The following NAV3 variants were observed in gnomAD, a reference collection of about 807,000 sequenced individuals.
NAV3 encodes the protein neuron navigator 3, also known as pore membrane and/or filament interacting like protein 1.
Under a neutral mutation model 244.7 loss-of-function variants are expected in NAV3, and 87 were observed. The ratio of observed to expected loss-of-function variants is 0.36; its 90% CI spans 0.30 to 0.42. The LOEUF (loss-of-function observed/expected upper bound fraction) is 0.42, where lower values mean the gene tolerates loss of function less well. NAV3 is among the 20% of genes least tolerant of loss of function. The probability of loss-of-function intolerance (pLI) is 1.00; values close to 1 mark genes in which losing one functional copy is unlikely to be tolerated. For missense variants in NAV3, 2,663 were observed against 2,893.3 expected, an observed-to-expected ratio of 0.92 and a Z score of 1.83; for synonymous variants, 1,126 against 1,042.2, an observed-to-expected ratio of 1.08 and a Z score of -1.55.
chr12:78,138,587 T>G (rs775177818), intron 19 of NAV3, among the ~76,000 whole-genome samples: 1 of 152,168 alleles, frequency 6.6e-6, no homozygotes, highest in East Asian at 1.9e-4. Context: ...ATTTTTTCCA[T>G]GTAGATAGAC....
chr12:77,726,160 C>T (rs990230014), intron 2 of NAV3, among the ~76,000 whole-genome samples: 5 of 129,918 alleles, frequency 3.8e-5, no homozygotes, highest in African/African-American at 1.0e-4. Flanking sequence ...TTCTGCCTTC[C>T]ACATCTACCT....
intron 12 of NAV3, among the ~76,000 whole-genome samples, chr12:78,110,740 TATA>T (rs1185047837): frequency 2.6e-5 from 4 of 152,136 alleles, no homozygotes; most frequent in South Asian, 2.1e-4. Context: ...AATGTGTATA[TATA>T]ATGTTTTCTA....
intron 2 of NAV3, among the ~76,000 whole-genome samples, chr12:77,581,861 A>G (rs898226471): frequency 6.6e-6 from 1 of 152,218 alleles, no homozygotes; most frequent in Admixed American, 6.5e-5. Flanking sequence ...GGTAGGTAAT[A>G]GTAAAACTAC....
intron 11 of NAV3, 43 bp from the exon 12 acceptor site, chr12:78,058,953 G>A: frequency 6.5e-7 from 1 of 1,542,938 alleles, no homozygotes; most frequent in South Asian, 1.3e-5. Flanking sequence ...GTACAGTTGA[G>A]TTGATTTAGT....
chr12:77,947,181 A>G (rs73344771), intron 3 of NAV3, among the ~76,000 whole-genome samples: 2,974 of 152,120 alleles, frequency 0.02, 35 homozygotes, highest in African/African-American at 0.034. Flanking sequence ...TGCCTATCTG[A>G]TTCCATGTCC....
rs1960861049 is a variant in NAV3 at position 78,211,262 on chromosome 12, A to G, written c.*745A>G. 6.6e-6 allele frequency: 1 copy of G among 152,630 alleles called. No homozygotes were observed. The allele number at this position is 152,630 out of a possible 1,614,324, so 9.5% of individuals were successfully genotyped here. The stretch of plus-strand genomic sequence containing the variant: ...ATACCAATTATTAGTCAACACTGAT[A>G]AAAGGCTTTTTTAGGGCTTTATTTG... On this transcript the variant is annotated 3_prime_UTR_variant, in exon 40 of 40. Transcript: ENST00000397909.
intron 2 of NAV3, among the ~76,000 whole-genome samples, chr12:77,680,563 A>T (rs1476538986): frequency 6.6e-6 from 1 of 152,210 alleles, no homozygotes; most frequent in Admixed American, 6.5e-5. Flanking sequence ...CGCCAATGTT[A>T]GCATTCACAA....
intron 1 of NAV3, among the ~76,000 whole-genome samples, chr12:77,916,887 A>T (rs2137115552): frequency 6.6e-6 from 1 of 152,176 alleles, no homozygotes; most frequent in African/African-American, 2.4e-5. Context: ...TTAAAAAAAT[A>T]CCAAATACAT....
chr12:77,755,083 G>A (rs1345700016), intron 2 of NAV3, among the ~76,000 whole-genome samples: 1 of 151,964 alleles, frequency 6.6e-6, no homozygotes, highest in Non-Finnish European at 1.5e-5. Flanking sequence ...TTCTCAGTTA[G>A]TGATGAAGCT....
At chr12:77,894,847 A>G (rs897521400) in intron 1 of NAV3, among the ~76,000 whole-genome samples, 2 of 152,208 alleles carry the variant, frequency 1.3e-5, no homozygotes, top group Non-Finnish European at 2.9e-5. Flanking sequence ...TAAGCCAGAA[A>G]CCTGGAATTT....
chr12:78,077,072 A>G (rs1953088090), intron 12 of NAV3, among the ~76,000 whole-genome samples: 1 of 152,194 alleles, frequency 6.6e-6, no homozygotes, highest in South Asian at 2.1e-4. Context: ...TGTAATTTAT[A>G]TAAATATTTT....
chr12:77,829,494 A>G (rs1410210551), upstream of NAV3, among the ~76,000 whole-genome samples: 1 of 152,094 alleles, frequency 6.6e-6, no homozygotes, highest in Non-Finnish European at 1.5e-5. Flanking sequence ...CATATGTCTT[A>G]TTATGAACTA....
intron 5 of NAV3, among the ~76,000 whole-genome samples, chr12:77,972,417 T>C (rs569424098): frequency 3.3e-5 from 5 of 152,336 alleles, no homozygotes; most frequent in South Asian, 4.1e-4. Context: ...AATTTAAATA[T>C]ATTTGATATG....
rs61936212 is a variant in NAV3, at chr12:78,084,333, G to A, written c.2636+25218G>A. On this transcript the variant is annotated intron_variant, in intron 12 of 39. Coordinates refer to ENST00000397909, the MANE Select transcript of NAV3 (RefSeq NM_001024383.2). ...TATCAGCCTTACCTCCTGTTACTGTGTATGAACTGTCTCAGTTAAATATCC... is the reference window on the plus strand; with the variant it reads ...TATCAGCCTTACCTCCTGTTACTGTATATGAACTGTCTCAGTTAAATATCC... Among the ~76,000 whole-genome samples, 513 of 152,136 alleles carry A rather than the reference G, an allele frequency of 3.4e-3. 2 individuals are homozygous for A. Among genetic ancestry groups the A allele is most frequent in the Admixed American group, 5.6e-3 (85 of 15,266 alleles).
intron 12 of NAV3, among the ~76,000 whole-genome samples, chr12:78,065,216 G>A (rs967649040): frequency 1.3e-5 from 2 of 151,986 alleles, no homozygotes. Flanking sequence ...CAGCAGGTGA[G>A]GTAACTGTGG....
At chr12:78,004,085 A>G (rs1873787374) in intron 7 of NAV3, among the ~76,000 whole-genome samples, 1 of 152,248 alleles carries the variant, frequency 6.6e-6, no homozygotes, top group Admixed American at 6.5e-5. Context: ...TGTTTGAGTC[A>G]GATAAAAATG....
chr12:78,206,854 C>CTTTTTTTTTTTTTTTTTTTTTTTTTTCTT (rs10594185), intron 39 of NAV3, among the ~76,000 whole-genome samples: 1 of 114,840 alleles, frequency 8.7e-6, no homozygotes, highest in Admixed American at 1.0e-4. Context: ...TTCTTTCTTA[C>CTTTTTTTTTTTTTTTTTTTTTTTTTTCTT]TTTTTTTTTT....
chr12:78,173,417 T>C (rs190554590), intron 24 of NAV3, among the ~76,000 whole-genome samples: 1 of 151,808 alleles, frequency 6.6e-6, no homozygotes, highest in East Asian at 1.9e-4. Context: ...TGAAATACTT[T>C]AATACTTTGT....
intron 5 of NAV3, among the ~76,000 whole-genome samples, chr12:77,991,764 G>A (rs1451018384): frequency 6.6e-6 from 1 of 152,216 alleles, no homozygotes; most frequent in Non-Finnish European, 1.5e-5. Context: ...TTGGTGCAGT[G>A]TCTCACACTT....
Sources: allele counts gnomAD v4.1 joint callset (sites outside exome capture counted in the v4.1 genomes callset), GRCh38; gene constraint gnomAD v4.1.1; transcripts MANE v1.5; gene names NCBI Gene and HGNC (gene_info 2026-07-23, HGNC 2026-07-21).